The following MICALL1 variants were observed in gnomAD, a reference collection of about 807,000 sequenced individuals.
MICALL1 encodes the protein MICAL-like protein 1.
MICALL1 carries 61 observed loss-of-function variants against 83.7 expected under a neutral mutation model. The ratio of observed to expected loss-of-function variants is 0.73; its 90% CI spans 0.59 to 0.90. The LOEUF (loss-of-function observed/expected upper bound fraction) is 0.90. Ranked by LOEUF, MICALL1 falls within the 40% of genes least tolerant of loss-of-function variation. MICALL1 has a pLI of 0.00. For missense variants in MICALL1, 1,066 were observed against 1,152.0 expected (o/e 0.93, Z 1.08); for synonymous variants, 481 against 473.6 (o/e 1.02, Z -0.20).
rs939426292 is a variant in MICALL1, at chr22:37,924,641, ACTCT to A, written c.1025-17_1025-14del. On this transcript the variant is annotated splice_polypyrimidine_tract_variant and intron_variant, in intron 6 of 15. Coordinates refer to ENST00000215957, the MANE Select transcript of MICALL1 (RefSeq NM_033386.4). This position sits in a 1 kb window ranked among gnomAD's most constrained non-coding sequence, Gnocchi z 5.2. The stretch of plus-strand genomic sequence containing the variant: ...CCTGCTGCCCATGAAGGCCTGGCTC[ACTCT>A]CCTTTCCCATCTAGGGAGACTGCAC... 3.1e-6 allele frequency: 5 copies of A among 1,603,464 alleles called. No individual in the cohort carries two copies. The highest frequency in any genetic ancestry group is 4.3e-6 in the Non-Finnish European group (5 of 1,174,480).
rs994825255 is a variant in MICALL1 at position 37,941,150 on chromosome 22, G to A, written c.*320G>A. The stretch of plus-strand genomic sequence containing the variant: ...GGAGGGGCGCCTGCTGAGCACTTCC[G>A]CCCCTCACCCTGCCCAGCCCCTGCC... On this transcript the variant is annotated 3_prime_UTR_variant, in exon 16 of 16. Transcript: ENST00000215957. The A allele has an allele frequency of 1.6e-5, 4 of 245,366 alleles. No homozygotes were observed. Among genetic ancestry groups the A allele is most frequent in the East Asian group, 1.8e-4 (2 of 11,034 alleles). The allele number at this position is 245,366 out of a possible 1,614,324, so 15.2% of individuals were successfully genotyped here.
At chr22:37,933,865 G>T (rs1929937345) in intron 13 of MICALL1, among the ~76,000 whole-genome samples, 1 of 152,234 alleles carries the variant, frequency 6.6e-6, no homozygotes, top group African/African-American at 2.4e-5. Context: ...TGACGGGGCT[G>T]GGCTTCCATC....
At position 37,924,267 on chromosome 22, in the gene MICALL1, G is replaced by T. The variant is rs1929278199; in HGVS notation, c.1025-393G>T. ...AGGCACAGATGCAAGGGTTTCAGTG[G>T]ATTGTGGAAGTCTTGCTAAGTTGGA... is the stretch of plus-strand genomic sequence containing the variant. On this transcript the variant is annotated intron_variant, in intron 6 of 15. Transcript: ENST00000215957. This position sits in a 1 kb window ranked among gnomAD's most constrained non-coding sequence, Gnocchi z 5.2. Among the ~76,000 whole-genome samples, 1 of 152,194 alleles carries T rather than the reference G, an allele frequency of 6.6e-6. No homozygotes were observed. Among genetic ancestry groups the T allele is most frequent in the Non-Finnish European group, 1.5e-5 (1 of 68,038 alleles).
chr22:37,939,044 G>C (rs1302435168), intron 15 of MICALL1, among the ~76,000 whole-genome samples: 1 of 152,190 alleles, frequency 6.6e-6, no homozygotes, highest in South Asian at 2.1e-4. Context: ...GCGTGAGCCA[G>C]TGTTCCTGGC....
At position 37,941,071 on chromosome 22, in the gene MICALL1, ATGAC is replaced by A; in HGVS notation, c.*244_*247del. On this transcript the variant is annotated 3_prime_UTR_variant, in exon 16 of 16. Coordinates refer to ENST00000215957, the MANE Select transcript of MICALL1 (RefSeq NM_033386.4). ...TTCAGCCCTGCCCAACCTGATTCTGATGACTGCGGATGCTGTGACGGACCCAAGG... is the reference window on the plus strand; with the variant it reads ...TTCAGCCCTGCCCAACCTGATTCTGATGCGGATGCTGTGACGGACCCAAGG... 3 of 434,634 alleles carry A rather than the reference ATGAC, an allele frequency of 6.9e-6. 1 individual carries two copies. The South Asian group carries it at 7.3e-5, about 11-fold the overall frequency. The allele number at this position is 434,634 out of a possible 1,614,324, so 26.9% of individuals were successfully genotyped here. A position where few individuals can be genotyped will look rare whatever the true frequency, so the allele number is the denominator to read the frequency against.
At chr22:37,913,531 T>G (rs1440439604) in intron 3 of MICALL1, among the ~76,000 whole-genome samples, 2 of 152,314 alleles carry the variant, frequency 1.3e-5, no homozygotes, top group African/African-American at 4.8e-5. Context: ...GAGGCTGCTG[T>G]GCTGTCTTCC....
At chr22:37,926,173 A>C in intron 8 of MICALL1, 130 bp downstream of exon 8, 1 of 1,199,174 alleles carries the variant, frequency 8.3e-7, no homozygotes, top group Non-Finnish European at 1.1e-6. Context: ...CTTCTCATTT[A>C]ATCCTAGAGC....
In MICALL1 at chr22:37,922,077, ACGGT is replaced by A; in HGVS notation, c.679_682del (p.Ser227GlyfsTer113). The A allele has an allele frequency of 2.5e-6, 4 of 1,613,396 alleles. No homozygotes were observed. The highest frequency in any genetic ancestry group is 3.4e-6 in the Non-Finnish European group (4 of 1,180,000). ...ACTGTGCCAGGCTGGGCCCGGGGAC[ACGGT>A]CGGGGACCAGGCCTGGGCCCTTCTC... On this transcript the variant is annotated frameshift_variant, in exon 6 of 16. Transcript: ENST00000215957. LOFTEE classifies it high-confidence loss of function.
At chr22:37,927,915 T>G in intron 9 of MICALL1, 89 bp downstream of exon 9, 18 of 1,390,284 alleles carry the variant, frequency 1.3e-5, no homozygotes, top group Non-Finnish European at 1.7e-5. Context: ...GGGCCTTTTC[T>G]TAATTTTTTT....
rs1278621725 is a variant in MICALL1, at chr22:37,919,181, G to A, written c.569+3G>A. The A allele has an allele frequency of 3.3e-6, 5 of 1,529,346 alleles. No homozygotes were observed. Among genetic ancestry groups the A allele is most frequent in the Non-Finnish European group, 4.4e-6 (5 of 1,132,314 alleles). 94.7% of individuals were successfully genotyped at this position (1,529,346 alleles called of 1,614,324 possible). The stretch of plus-strand genomic sequence containing the variant: ...CTGTACCATCGCCACTGCTTCCGGT[G>A]AGTGGCCAGGGCCGCGTGTTACCCC... On this transcript the variant is annotated splice_donor_region_variant and intron_variant, in intron 5 of 15. Coordinates refer to ENST00000215957, the MANE Select transcript of MICALL1 (RefSeq NM_033386.4).
intron 5 of MICALL1, 50 bp from the exon 6 acceptor site, chr22:37,921,922 C>G: frequency 6.7e-7 from 1 of 1,499,266 alleles, no homozygotes; most frequent in South Asian, 1.3e-5. Flanking sequence ...GTAGCCAGTG[C>G]CTGGGCCCAG....
chr22:37,936,563 T>C (rs1465370656), intron 13 of MICALL1, among the ~76,000 whole-genome samples: 3 of 152,222 alleles, frequency 2.0e-5, no homozygotes, highest in African/African-American at 7.2e-5. Flanking sequence ...CTGGTGTCCT[T>C]GGTCTCTTCT....
intron 13 of MICALL1, among the ~76,000 whole-genome samples, chr22:37,934,849 G>C (rs866568223): frequency 2.0e-5 from 3 of 150,786 alleles, no homozygotes; most frequent in South Asian, 4.2e-4. Flanking sequence ...ACCCACCTTA[G>C]CCTCCCAAAG....
intron 5 of MICALL1, among the ~76,000 whole-genome samples, chr22:37,921,496 C>T (rs1285136244): frequency 6.6e-6 from 1 of 152,122 alleles, no homozygotes; most frequent in African/African-American, 2.4e-5. Flanking sequence ...TCTCTTGAAC[C>T]CGAGAGGCGG....
rs765863540 is a variant in MICALL1 at position 37,932,508 on chromosome 22, G to T, written c.2017-45G>T. The T allele has an allele frequency of 9.3e-6, 15 of 1,607,986 alleles. No individual in the cohort carries two copies. Among genetic ancestry groups the T allele is most frequent in the African/African-American group, 1.3e-5 (1 of 74,962 alleles). ...GCCAGAGAAGAGGGCAAGGCTCCTGGCAGCAACCAGGCAGGCCGTCAGGTG... is the reference window on the plus strand; with the variant it reads ...GCCAGAGAAGAGGGCAAGGCTCCTGTCAGCAACCAGGCAGGCCGTCAGGTG... On this transcript the variant is annotated intron_variant, in intron 10 of 15. Coordinates refer to ENST00000215957, the MANE Select transcript of MICALL1 (RefSeq NM_033386.4). The surrounding 1 kb of genome is among the most constrained non-coding windows in gnomAD (Gnocchi z 4.4).
rs928556602 is a variant in MICALL1 at position 37,937,115 on chromosome 22, A to G, written c.2344A>G (p.Lys782Glu). 2.4e-5 allele frequency: 38 copies of G among 1,551,440 alleles called. No individual in the cohort carries two copies. Among genetic ancestry groups the G allele is most frequent in the Non-Finnish European group, 3.1e-5 (36 of 1,146,970 alleles). Residue 782 changes from lysine (K) to glutamate (E), a missense_variant, in exon 14 of 16, where the codon AAG becomes GAG. Coordinates refer to ENST00000215957, the MANE Select transcript of MICALL1 (RefSeq NM_033386.4). ...DWTEEDRARE[K>E]VLMQELVTLI... ...GACGGAGGAGGACCGGGCCCGGGAG[A>G]AGGTGCTGATGCAGGAGCTTGTGAC...
intron 3 of MICALL1, among the ~76,000 whole-genome samples, chr22:37,914,599 G>A (rs1235691728): frequency 4.0e-5 from 6 of 151,576 alleles, no homozygotes; most frequent in African/African-American, 9.7e-5. Context: ...TATATTATGT[G>A]TATATATGCG....
intron 9 of MICALL1, among the ~76,000 whole-genome samples, chr22:37,928,248 C>A (rs1025583770): frequency 8.6e-5 from 13 of 151,990 alleles, no homozygotes; most frequent in Admixed American, 7.2e-4. Flanking sequence ...GCTCTATCAC[C>A]CAGCCTGGAG....
At chr22:37,929,297 C>A (rs1271360528) in intron 9 of MICALL1, among the ~76,000 whole-genome samples, 1 of 152,202 alleles carries the variant, frequency 6.6e-6, no homozygotes, top group East Asian at 1.9e-4. Flanking sequence ...GAATGCCTCC[C>A]ATGTGCATGG....
Sources: gnomAD v4.1 joint callset for allele counts (sites outside exome capture counted in the v4.1 genomes callset) on GRCh38, gnomAD v4.1.1 for gene constraint, Gnocchi (gnomAD v3.1) non-coding constraint, MANE v1.5 for transcripts, NCBI Gene and HGNC (gene_info 2026-07-23, HGNC 2026-07-21) for gene names.